MFSD2B: variants seen among roughly 807,000 people sequenced by gnomAD.
The protein encoded by MFSD2B is sphingosine-1-phosphate transporter MFSD2B.
In MFSD2B, 56 loss-of-function variants were observed where a neutral mutation model predicts 58.4. The ratio of observed to expected loss-of-function variants is 0.96; its 90% CI spans 0.77 to 1.20. MFSD2B has a LOEUF of 1.20. MFSD2B is among the 50% of genes most tolerant of loss of function. MFSD2B has a pLI of 0.00. For synonymous variants in MFSD2B, 287 were observed against 294.4 expected (o/e 0.97, Z 0.26); for missense variants, 645 against 667.6 (o/e 0.97, Z 0.37).
chr2:24,025,717 G>A lies in MFSD2B; in HGVS notation c.*261G>A. 1 of 449,546 alleles carries A rather than the reference G, an allele frequency of 2.2e-6. No homozygotes were observed. The highest frequency in any genetic ancestry group is 4.0e-6 in the Non-Finnish European group (1 of 250,924). 27.8% of individuals were successfully genotyped at this position (449,546 alleles called of 1,614,324 possible). ...CCAGTAGCACTTGTCTCTAGAAAAA[G>A]GAAGCTCCTGCCCAACCTGGCTTGT... On this transcript the variant is annotated 3_prime_UTR_variant, in exon 14 of 14. Transcript: ENST00000338315.
Position 24,017,616 on chromosome 2 carries a change from C to A in MFSD2B, c.681+28C>A, listed in dbSNP as rs1206905934. 1 of 1,527,872 alleles carries A rather than the reference C, an allele frequency of 6.5e-7. No individual in the cohort carries two copies. The highest frequency in any genetic ancestry group is 1.4e-5 in the African/African-American group (1 of 72,946). The allele number at this position is 1,527,872 out of a possible 1,614,324, so 94.6% of individuals were successfully genotyped here. A position where few individuals can be genotyped will look rare whatever the true frequency, so the allele number is the denominator to read the frequency against. On this transcript the variant is annotated intron_variant, in intron 6 of 13. Transcript: ENST00000338315. The surrounding 1 kb of genome is among the most constrained non-coding windows in gnomAD (Gnocchi z 4.8). ...AAGTGCACTGGGTGGCAAGGCCCCC[C>A]AACCTGGGGTCCCCTCTGCAGGGTC...
In MFSD2B at chr2:24,021,598, C is replaced by T. The variant is rs777211171; in HGVS notation, c.682-50C>T. ...CTGCCCTGCCCCTCCGGTGTCACCACCTCCAGGGGTTGAAGACATCACCCA... is the reference window on the plus strand; with the variant it reads ...CTGCCCTGCCCCTCCGGTGTCACCATCTCCAGGGGTTGAAGACATCACCCA... On this transcript the variant is annotated intron_variant, in intron 6 of 13. Coordinates refer to ENST00000338315, the MANE Select transcript of MFSD2B (RefSeq NM_001346880.2). This position sits in a 1 kb window ranked among gnomAD's most constrained non-coding sequence, Gnocchi z 5.7. 3 of 1,538,240 alleles carry T rather than the reference C, an allele frequency of 2.0e-6. No homozygotes were observed. The highest frequency in any genetic ancestry group is 2.7e-6 in the Non-Finnish European group (3 of 1,125,186).
rs1558318734 is a variant in MFSD2B, at chr2:24,012,166, ACACACACACACAC to A, written c.97-1118_97-1106del. ...AAACAAACAAAACACACACACACAC[ACACACACACACAC>A]AAAAACAGACAAAAAAACCCTGCAA... is the stretch of plus-strand genomic sequence containing the variant. On this transcript the variant is annotated intron_variant, in intron 1 of 13. Transcript: ENST00000338315. This position sits in a 1 kb window ranked among gnomAD's most constrained non-coding sequence, Gnocchi z 4.5. Among the ~76,000 whole-genome samples, 8 of 71,096 alleles carry A rather than the reference ACACACACACACAC, an allele frequency of 1.1e-4. No individual in the cohort carries two copies. Among genetic ancestry groups the A allele is most frequent in the African/African-American group, 2.5e-4 (7 of 28,230 alleles). 46.6% of individuals were successfully genotyped at this position (71,096 alleles called of 152,430 possible).
Position 24,017,707 on chromosome 2 carries a change from T to A in MFSD2B, c.681+119T>A. 3.7e-6 allele frequency: 4 copies of A among 1,074,210 alleles called. No homozygotes were observed. The highest frequency in any genetic ancestry group is 5.3e-6 in the Non-Finnish European group (4 of 760,104). 66.5% of individuals were successfully genotyped at this position (1,074,210 alleles called of 1,614,324 possible). A position where few individuals can be genotyped will look rare whatever the true frequency, so the allele number is the denominator to read the frequency against. ...TTGTTGTCTTTTAGGGGGCTCACTG[T>A]GCCCCCTCATTCCTTCCCTGCTCCT... On this transcript the variant is annotated intron_variant, in intron 6 of 13. Transcript: ENST00000338315. This position sits in a 1 kb window ranked among gnomAD's most constrained non-coding sequence, Gnocchi z 4.8.
chr2:24,018,079 G>A (rs546774213), intron 6 of MFSD2B, among the ~76,000 whole-genome samples: 7 of 152,200 alleles, frequency 4.6e-5, no homozygotes, highest in Admixed American at 1.3e-4. Context: ...AGCACTGGGC[G>A]GACACACCTC....
chr2:24,021,491 G>T lies in MFSD2B; in HGVS notation c.682-157G>T. On this transcript the variant is annotated intron_variant, in intron 6 of 13. Coordinates refer to ENST00000338315, the MANE Select transcript of MFSD2B (RefSeq NM_001346880.2). The surrounding 1 kb of genome is among the most constrained non-coding windows in gnomAD (Gnocchi z 5.7). The stretch of plus-strand genomic sequence containing the variant: ...CCAGCCCGGGCCCGGAGAGCATGCT[G>T]TCCTGTGGGGTGATTGGGAGGTGGG... The T allele has an allele frequency of 4.6e-6, 3 of 650,186 alleles. No individual in the cohort carries two copies. The highest frequency in any genetic ancestry group is 8.3e-6 in the Non-Finnish European group (3 of 362,192). The allele number at this position is 650,186 out of a possible 1,614,324, so 40.3% of individuals were successfully genotyped here.
rs1010998372 is a variant in MFSD2B at position 24,026,477 on chromosome 2, A to G, written c.*1021A>G. On this transcript the variant is annotated 3_prime_UTR_variant, in exon 14 of 14. Coordinates refer to ENST00000338315, the MANE Select transcript of MFSD2B (RefSeq NM_001346880.2). ...GGGCTGGTTGCCAGAGAAACCAACC[A>G]TGTGATTAGAAGGTTGAAACTTTCA... 5.3e-5 allele frequency: 8 copies of G among 152,222 alleles called. No individual in the cohort carries two copies. The highest frequency in any genetic ancestry group is 1.0e-4 in the Non-Finnish European group (7 of 68,044). 9.4% of individuals were successfully genotyped at this position (152,222 alleles called of 1,614,324 possible).
rs1015180107 is a variant in MFSD2B at position 24,017,213 on chromosome 2, C to G, written c.472-73C>G. 15 of 1,468,332 alleles carry G rather than the reference C, an allele frequency of 1.0e-5. No homozygotes were observed. The highest frequency in any genetic ancestry group is 1.3e-5 in the Non-Finnish European group (14 of 1,079,532). The allele number at this position is 1,468,332 out of a possible 1,614,324, so 91.0% of individuals were successfully genotyped here. On this transcript the variant is annotated intron_variant, in intron 4 of 13. Coordinates refer to ENST00000338315, the MANE Select transcript of MFSD2B (RefSeq NM_001346880.2). This position sits in a 1 kb window ranked among gnomAD's most constrained non-coding sequence, Gnocchi z 4.8. ...GGCCTGTGGGTGTCGGGATGTGACA[C>G]CCAGGATGGGGGAGGTCGCCCGCTG... is the stretch of plus-strand genomic sequence containing the variant.
chr2:24,022,069 C>A lies in MFSD2B; in HGVS notation c.894+99C>A. 7.1e-7 allele frequency: 1 copy of A among 1,416,486 alleles called. No individual in the cohort carries two copies. The allele number at this position is 1,416,486 out of a possible 1,614,324, so 87.7% of individuals were successfully genotyped here. Reference sequence around the variant, plus strand: ...TTGGCTTGAGTTTTATAGGGAGAAACCTGCGGCTGGCACATGGCTCAGAGG... The same window carrying A: ...TTGGCTTGAGTTTTATAGGGAGAAAACTGCGGCTGGCACATGGCTCAGAGG... On this transcript the variant is annotated intron_variant, in intron 8 of 13. Coordinates refer to ENST00000338315, the MANE Select transcript of MFSD2B (RefSeq NM_001346880.2). This position sits in a 1 kb window ranked among gnomAD's most constrained non-coding sequence, Gnocchi z 4.5.
At chr2:24,015,705 T>C (rs948742051) in intron 2 of MFSD2B, among the ~76,000 whole-genome samples, 2 of 152,242 alleles carry the variant, frequency 1.3e-5, no homozygotes, top group Admixed American at 6.5e-5. Flanking sequence ...GAAAAAACAA[T>C]GCATCCTTTC....
In MFSD2B at chr2:24,025,627, C is replaced by T; in HGVS notation, c.*171C>T. On this transcript the variant is annotated 3_prime_UTR_variant, in exon 14 of 14. Transcript: ENST00000338315. Reference sequence around the variant, plus strand: ...AAGGGACTGGCCCGCACTCCAGGACCCCACTTGGCATTTCTTGTCTGTTGC... The same window carrying T: ...AAGGGACTGGCCCGCACTCCAGGACTCCACTTGGCATTTCTTGTCTGTTGC... 1.6e-6 allele frequency: 1 copy of T among 624,964 alleles called. No homozygotes were observed. The highest frequency in any genetic ancestry group is 2.8e-6 in the Non-Finnish European group (1 of 351,692). The allele number at this position is 624,964 out of a possible 1,614,324, so 38.7% of individuals were successfully genotyped here. A position where few individuals can be genotyped will look rare whatever the true frequency, so the allele number is the denominator to read the frequency against.
In MFSD2B at chr2:24,022,854, G is replaced by T; in HGVS notation, c.1011G>T (p.Glu337Asp). 6.2e-7 allele frequency: 1 copy of T among 1,610,602 alleles called. No homozygotes were observed. Among genetic ancestry groups the T allele is most frequent in the South Asian group, 1.1e-5 (1 of 90,348 alleles). Residue 337 changes from glutamate to aspartate, a missense_variant, in exon 10 of 14, where the codon GAG (glutamate) becomes GAT (aspartate). Glu to Asp is a conservative substitution (Grantham distance 45). Transcript: ENST00000338315. The surrounding 1 kb of genome is among the most constrained non-coding windows in gnomAD (Gnocchi z 4.5). The stretch of plus-strand genomic sequence containing the variant: ...CCGTGCTGAGCACCCCGCTGTGGGA[G>T]TGGGTTCTCCAGCGCTTTGGGAAGA... ...VSAVLSTPLW[E>D]WVLQRFGKKT...
rs947794264 is a variant in MFSD2B, at chr2:24,020,437, G to A, written c.682-1211G>A. 3.9e-5 allele frequency among the ~76,000 whole-genome samples: 6 copies of A among 152,094 alleles called. No homozygotes were observed. Among genetic ancestry groups the A allele is most frequent in the Non-Finnish European group, 7.4e-5 (5 of 67,964 alleles). On this transcript the variant is annotated intron_variant, in intron 6 of 13. Transcript: ENST00000338315. The surrounding 1 kb of genome is among the most constrained non-coding windows in gnomAD (Gnocchi z 4.1). ...GGATGAGTGCCCTGCCCCACCCTGC[G>A]CCCTCCCTCTCCTCCCCTCCCCAGA... is the stretch of plus-strand genomic sequence containing the variant.
In MFSD2B at chr2:24,026,354, T is replaced by G. The variant is rs1333201432; in HGVS notation, c.*898T>G. 2 of 152,316 alleles carry G rather than the reference T, an allele frequency of 1.3e-5. No individual in the cohort carries two copies. Among genetic ancestry groups the G allele is most frequent in the Non-Finnish European group, 2.9e-5 (2 of 68,026 alleles). The allele number at this position is 152,316 out of a possible 1,614,324, so 9.4% of individuals were successfully genotyped here. On this transcript the variant is annotated 3_prime_UTR_variant, in exon 14 of 14. Coordinates refer to ENST00000338315, the MANE Select transcript of MFSD2B (RefSeq NM_001346880.2). ...AGCTTCTAAAATGCTAGTAACTTCC[T>G]GAGTGGTAGGGGTGAGGGGAACATC...
Position 24,016,889 on chromosome 2 carries a change from T to C in MFSD2B, c.392T>C (p.Leu131Pro). The change falls in exon 4 of 14, where the codon CTG becomes CCG. Residue 131 changes from leucine to proline, a missense_variant. Physicochemically the swap from Leu to Pro is moderately conservative, Grantham distance 98 (BLOSUM62 -3). Transcript: ENST00000338315. ...TTCATCGCCCTGGCCTACTTCTTCC[T>C]GTGGTTCCTGCCCCCCTTCACCAGC... ...TPFIALAYFF[L>P]WFLPPFTSLR... 3 of 1,613,866 alleles carry C rather than the reference T, an allele frequency of 1.9e-6. No individual in the cohort carries two copies. Among genetic ancestry groups the C allele is most frequent in the South Asian group, 2.2e-5 (2 of 91,090 alleles).
At position 24,024,007 on chromosome 2, in the gene MFSD2B, G is replaced by T; in HGVS notation, c.1314-88G>T. The T allele has an allele frequency of 7.6e-7, 1 of 1,315,956 alleles. No individual in the cohort carries two copies. The highest frequency in any genetic ancestry group is 2.0e-5 in the Admixed American group (1 of 50,850). 81.5% of individuals were successfully genotyped at this position (1,315,956 alleles called of 1,614,324 possible). ...AAATGAAGTCCACGTTTCAGGAGGG[G>T]GTGGGGTGGGGTGAGGTGTCGAGTC... On this transcript the variant is annotated intron_variant, in intron 12 of 13. Transcript: ENST00000338315. This position sits in a 1 kb window ranked among gnomAD's most constrained non-coding sequence, Gnocchi z 4.3.
At position 24,022,107 on chromosome 2, in the gene MFSD2B, G is replaced by A. The variant is rs561172666; in HGVS notation, c.894+137G>A. The A allele has an allele frequency of 5.3e-4, 568 of 1,065,364 alleles. 5 individuals are homozygous for A. The highest frequency in any genetic ancestry group is 4.0e-3 in the South Asian group (275 of 68,438). The allele number at this position is 1,065,364 out of a possible 1,614,324, so 66.0% of individuals were successfully genotyped here. ...CATGGCTCAGAGGGGCTGGTGCCGG[G>A]AGGGAGATCCCGGTAGGGCTTGTGG... is the stretch of plus-strand genomic sequence containing the variant. On this transcript the variant is annotated intron_variant, in intron 8 of 13. Transcript: ENST00000338315. The surrounding 1 kb of genome is among the most constrained non-coding windows in gnomAD (Gnocchi z 4.5).
rs1662812721 is a variant in MFSD2B, at chr2:24,022,106, G to A, written c.894+136G>A. ...ACATGGCTCAGAGGGGCTGGTGCCG[G>A]GAGGGAGATCCCGGTAGGGCTTGTG... On this transcript the variant is annotated intron_variant, in intron 8 of 13. Coordinates refer to ENST00000338315, the MANE Select transcript of MFSD2B (RefSeq NM_001346880.2). The surrounding 1 kb of genome is among the most constrained non-coding windows in gnomAD (Gnocchi z 4.5). The A allele has an allele frequency of 1.9e-6, 2 of 1,070,808 alleles. No homozygotes were observed. The highest frequency in any genetic ancestry group is 2.7e-6 in the Non-Finnish European group (2 of 731,228). The allele number at this position is 1,070,808 out of a possible 1,614,324, so 66.3% of individuals were successfully genotyped here.
intron 1 of MFSD2B, among the ~76,000 whole-genome samples, chr2:24,010,739 C>CGTGCTGGCCAGTGGGGCT (rs1472431203): frequency 6.6e-6 from 1 of 152,182 alleles, no homozygotes. Flanking sequence ...GCCGCCGGGC[C>CGTGCTGGCCAGTGGGGCT]GTGCTGGCCA....
Sources: gnomAD v4.1 joint callset for allele counts (sites outside exome capture counted in the v4.1 genomes callset) on GRCh38, gnomAD v4.1.1 for gene constraint, Gnocchi (gnomAD v3.1) non-coding constraint, MANE v1.5 for transcripts, NCBI Gene and HGNC (gene_info 2026-07-23, HGNC 2026-07-21) for gene names.